ABCA3: variants seen among roughly 807,000 people sequenced by gnomAD.
ABCA3 encodes the protein ATP binding cassette subfamily A member 3, also known as phospholipid-transporting ATPase ABCA3.
A neutral mutation model predicts 172.8 loss-of-function variants in ABCA3; 88 were observed. That is an observed-to-expected ratio of 0.51 (90% CI 0.43 to 0.61). The LOEUF is 0.61. Among genes scored for constraint, ABCA3 ranks in the 20% least tolerant of loss-of-function variants. The pLI, the probability that ABCA3 is intolerant of heterozygous loss-of-function variation, is 0.00. For missense variants in ABCA3, 2,164 were observed against 2,301.0 expected (o/e 0.94, Z 1.22); for synonymous variants, 1,066 against 983.8 (o/e 1.08, Z -1.56).
chr16:2,292,598 CA>C (rs1055154851), intron 18 of ABCA3, among the ~76,000 whole-genome samples: 1 of 150,912 alleles, frequency 6.6e-6, no homozygotes, highest in Non-Finnish European at 1.5e-5. Flanking sequence ...AACTCTGTCT[CA>C]AAAAAATAAA....
intron 5 of ABCA3, among the ~76,000 whole-genome samples, chr16:2,325,049 G>A (rs2093732181): frequency 6.6e-6 from 1 of 152,176 alleles, no homozygotes; most frequent in Non-Finnish European, 1.5e-5. Context: ...AGCCCGGGAG[G>A]TAAATGCCCA....
chr16:2,284,316 G>A lies in ABCA3; in HGVS notation c.3825C>T (p.Thr1275=), dbSNP rs2093659439. ...AGTAGTGGGCGGCGACCTCGGAGGA[G>A]GTGCAGTACCTCCGCGTCTCGTAGT... ...YENYETRRYC[T]SSEVAAHYCK... Residue 1275 remains threonine (T), a synonymous_variant, in exon 25 of 33, where the codon ACC becomes ACT. Coordinates refer to ENST00000301732, the MANE Select transcript of ABCA3 (RefSeq NM_001089.3). The surrounding 1 kb of genome is among the most constrained non-coding windows in gnomAD (Gnocchi z 5.9). 1 of 1,613,846 alleles carries A rather than the reference G, an allele frequency of 6.2e-7. No homozygotes were observed. Among genetic ancestry groups the A allele is most frequent in the East Asian group, 2.2e-5 (1 of 44,880 alleles).
chr16:2,332,417 T>C (rs2093744783), intron 1 of ABCA3: 7 of 1,207,288 alleles, frequency 5.8e-6, no homozygotes, highest in Admixed American at 3.6e-5. Context: ...TCATACAGGA[T>C]GAGGATGTCT....
chr16:2,340,425 G>C (rs1167843438), intron 1 of ABCA3, 148 bp downstream of exon 1: 1 of 151,282 alleles, frequency 6.6e-6, no homozygotes, highest in African/African-American at 2.4e-5. Flanking sequence ...GAGGGGATGC[G>C]GGGTCGCGGG....
At chr16:2,323,190 C>G (rs540672696) in intron 7 of ABCA3, 1 of 418,802 alleles carries the variant, frequency 2.4e-6, no homozygotes, top group South Asian at 2.3e-5. Flanking sequence ...AATAGGAACA[C>G]TTTTACACTG....
At position 2,281,522 on chromosome 16, in the gene ABCA3, G is replaced by T. The variant is rs1416707766; in HGVS notation, c.4036-13C>A. The T allele has an allele frequency of 6.8e-7, 1 of 1,473,688 alleles. No individual in the cohort carries two copies. The highest frequency in any genetic ancestry group is 1.4e-5 in the African/African-American group (1 of 70,276). The allele number at this position is 1,473,688 out of a possible 1,614,324, so 91.3% of individuals were successfully genotyped here. A position where few individuals can be genotyped will look rare whatever the true frequency, so the allele number is the denominator to read the frequency against. ...TGTATAATTCTGTCTGATTGACCAGGACAAAGACCGCATGCGTGAACCCAG... is the reference window on the plus strand; with the variant it reads ...TGTATAATTCTGTCTGATTGACCAGTACAAAGACCGCATGCGTGAACCCAG... On this transcript the variant is annotated splice_polypyrimidine_tract_variant and intron_variant, in intron 26 of 32. Coordinates refer to ENST00000301732, the MANE Select transcript of ABCA3 (RefSeq NM_001089.3). This position sits in a 1 kb window ranked among gnomAD's most constrained non-coding sequence, Gnocchi z 4.7.
At chr16:2,301,713 GA>G (rs79100686) in intron 12 of ABCA3, among the ~76,000 whole-genome samples, 13,077 of 104,674 alleles carry the variant, frequency 0.12, 585 homozygotes, top group African/African-American at 0.14. Context: ...CCGAATCAAA[GA>G]AAAAAAAAAA....
chr16:2,295,213 A>G (rs2093677789), intron 18 of ABCA3, among the ~76,000 whole-genome samples: 1 of 152,150 alleles, frequency 6.6e-6, no homozygotes, highest in African/African-American at 2.4e-5. Context: ...TGACACTGAG[A>G]CCAAATTCAC....
In ABCA3 at chr16:2,284,459, A is replaced by C; in HGVS notation, c.3704-22T>G. 6.2e-7 allele frequency: 1 copy of C among 1,613,304 alleles called. No homozygotes were observed. The highest frequency in any genetic ancestry group is 8.5e-7 in the Non-Finnish European group (1 of 1,179,942). On this transcript the variant is annotated intron_variant, in intron 24 of 32. Coordinates refer to ENST00000301732, the MANE Select transcript of ABCA3 (RefSeq NM_001089.3). The surrounding 1 kb of genome is among the most constrained non-coding windows in gnomAD (Gnocchi z 5.9). ...ACAGCTGCGTTGGGGAGGTAAGATCAGTCTGCGCTGGAGGGCACACCACAC... is the reference window on the plus strand; with the variant it reads ...ACAGCTGCGTTGGGGAGGTAAGATCCGTCTGCGCTGGAGGGCACACCACAC...
intron 7 of ABCA3, among the ~76,000 whole-genome samples, chr16:2,322,918 T>C (rs1216733509): frequency 1.3e-5 from 2 of 152,182 alleles, no homozygotes; most frequent in Non-Finnish European, 2.9e-5. Context: ...GACAAAGGGC[T>C]AATATCCAGA....
intron 18 of ABCA3, 70 bp from the exon 19 acceptor site, chr16:2,292,308 AC>A (rs1221993700): frequency 2.9e-5 from 40 of 1,390,976 alleles, no homozygotes; most frequent in Middle Eastern, 1.8e-4. Context: ...CTAAAGCATC[AC>A]CCCCCCTCGG....
intron 1 of ABCA3, among the ~76,000 whole-genome samples, chr16:2,334,828 T>A (rs1376493051): frequency 2.0e-5 from 3 of 150,508 alleles, no homozygotes; most frequent in Non-Finnish European, 4.4e-5. Context: ...TAAATATTAG[T>A]TCTTTTTTTT....
In ABCA3 at chr16:2,301,072, T is replaced by C. The variant is rs572411850; in HGVS notation, c.1468-924A>G. 1.0e-4 allele frequency among the ~76,000 whole-genome samples: 15 copies of C among 150,266 alleles called. No individual in the cohort carries two copies. The South Asian group carries it at 3.2e-3, about 32-fold the overall frequency. On this transcript the variant is annotated intron_variant, in intron 12 of 32. Coordinates refer to ENST00000301732, the MANE Select transcript of ABCA3 (RefSeq NM_001089.3). ...GGTGAAACCCCGTCTCTACTAAAAATACAAAAAAATTAGCCGGGCGTGGTG... is the reference window on the plus strand; with the variant it reads ...GGTGAAACCCCGTCTCTACTAAAAACACAAAAAAATTAGCCGGGCGTGGTG...
chr16:2,279,031 G>A lies in ABCA3; in HGVS notation c.4459C>T (p.Pro1487Ser). The change falls in exon 29 of 33, where the codon CCT becomes TCT. Residue 1487 changes from proline (P) to serine (S), a missense_variant. Physicochemically the swap from Pro to Ser is moderately conservative, Grantham distance 74. This residue lies in a region of ABCA3 where 795 missense variants were observed against 881.9 expected (regional missense o/e 0.90). Transcript: ENST00000301732. This position sits in a 1 kb window ranked among gnomAD's most constrained non-coding sequence, Gnocchi z 4.4. The stretch of plus-strand genomic sequence containing the variant: ...ACGCAGGCCCCGATGTGGCGCTCAG[G>A]GATGCCCCGGAGCCGAGCGTACATG... ...LVMYARLRGI[P>S]ERHIGACVEN... 2 of 1,613,474 alleles carry A rather than the reference G, an allele frequency of 1.2e-6. No individual in the cohort carries two copies. Among genetic ancestry groups the A allele is most frequent in the Non-Finnish European group, 1.7e-6 (2 of 1,180,032 alleles).
chr16:2,303,913 G>T, intron 12 of ABCA3, 56 bp downstream of exon 12: 1 of 1,601,774 alleles, frequency 6.2e-7, no homozygotes, highest in Non-Finnish European at 8.5e-7. Context: ...GCAGGTACTG[G>T]GGACACCTCT....
At chr16:2,339,766 C>T (rs1194302290) in intron 1 of ABCA3, among the ~76,000 whole-genome samples, 3 of 152,270 alleles carry the variant, frequency 2.0e-5, no homozygotes, top group Non-Finnish European at 2.9e-5. Flanking sequence ...GCAATTACCC[C>T]CTGAGGACAT....
rs143190113 is a variant in ABCA3, at chr16:2,282,086, G to A, written c.4036-577C>T. Among the ~76,000 whole-genome samples the A allele has an allele frequency of 3.8e-3, 585 of 152,274 alleles. 4 individuals carry two copies. The highest frequency in any genetic ancestry group is 0.013 in the African/African-American group (552 of 41,536). On this transcript the variant is annotated intron_variant, in intron 26 of 32. Transcript: ENST00000301732. The stretch of plus-strand genomic sequence containing the variant: ...ATTACAGGCATTAGCCACCATGGCT[G>A]GCCTGAAAGTAAGATTTTTGTTTTC...
In ABCA3 at chr16:2,281,251, G is replaced by T; in HGVS notation, c.4165-30C>A. 1 of 1,613,268 alleles carries T rather than the reference G, an allele frequency of 6.2e-7. No homozygotes were observed. Among genetic ancestry groups the T allele is most frequent in the Non-Finnish European group, 8.5e-7 (1 of 1,179,922 alleles). ...AGGCACCCAACAGAAAACACGGAAT[G>T]CGGAGGCCTGGACGCAAAGCAGAGC... is the stretch of plus-strand genomic sequence containing the variant. On this transcript the variant is annotated intron_variant, in intron 27 of 32. Coordinates refer to ENST00000301732, the MANE Select transcript of ABCA3 (RefSeq NM_001089.3). The surrounding 1 kb of genome is among the most constrained non-coding windows in gnomAD (Gnocchi z 4.7).
rs1186113519 is a variant in ABCA3, at chr16:2,319,818, C to T, written c.636G>A (p.Leu212=). The change falls in exon 8 of 33, where the codon CTG becomes CTA. Residue 212 remains leucine (L), a synonymous_variant. Coordinates refer to ENST00000301732, the MANE Select transcript of ABCA3 (RefSeq NM_001089.3). Reference sequence around the variant, plus strand: ...CCCGGTCCACAGCATGCTGCACGGCCAGGAAGCCTTCCCGGATGTACCCTG... The same window carrying T: ...CCCGGTCCACAGCATGCTGCACGGCTAGGAAGCCTTCCCGGATGTACCCTG... ...GEPGYIREGF[L]AVQHAVDRAI... is the part of the protein sequence containing the mutation. The T allele has an allele frequency of 1.2e-6, 2 of 1,613,830 alleles. No homozygotes were observed. The highest frequency in any genetic ancestry group is 1.7e-6 in the Non-Finnish European group (2 of 1,180,032).
Sources: gnomAD v4.1 joint callset for allele counts (sites outside exome capture counted in the v4.1 genomes callset) on GRCh38, gnomAD v4.1.1 for gene constraint, gnomAD v4.1.1 regional missense constraint, Gnocchi (gnomAD v3.1) non-coding constraint, MANE v1.5 for transcripts, NCBI Gene and HGNC (gene_info 2026-07-23, HGNC 2026-07-21) for gene names.